Variants in FBXL17 observed in about 807,000 individuals in gnomAD.
The protein encoded by FBXL17 is F-box and leucine rich repeat protein 17, also known as F-box/LRR-repeat protein 17.
FBXL17 carries 22 observed loss-of-function variants against 66.2 expected under a neutral mutation model. The ratio of observed to expected loss-of-function variants is 0.33; its 90% confidence interval spans 0.24 to 0.47. The LOEUF is 0.47. Ranked by LOEUF, FBXL17 falls within the 20% of genes least tolerant of loss-of-function variation. The probability of loss-of-function intolerance (pLI) is 1.00; values close to 1 mark genes in which losing one functional copy is unlikely to be tolerated. For missense variants in FBXL17, 878 were observed against 948.2 expected (o/e 0.93, Z 0.97); for synonymous variants, 474 against 400.5 (o/e 1.18, Z -2.19).
At chr5:108,124,647 G>A (rs985311070) in intron 6 of FBXL17, among the ~76,000 whole-genome samples, 1 of 151,988 alleles carries the variant, frequency 6.6e-6, no homozygotes, top group African/African-American at 2.4e-5. Context: ...GCAAATACCT[G>A]TACATTGAAA....
intron 6 of FBXL17, among the ~76,000 whole-genome samples, chr5:108,089,121 T>G (rs1749091528): frequency 6.6e-6 from 1 of 152,218 alleles, no homozygotes; most frequent in Non-Finnish European, 1.5e-5. Flanking sequence ...AAAGGTATTC[T>G]GAATTTATGT....
intron 6 of FBXL17, among the ~76,000 whole-genome samples, chr5:108,121,929 C>T (rs1254396890): frequency 6.6e-6 from 1 of 152,064 alleles, no homozygotes; most frequent in Admixed American, 6.5e-5. Context: ...TACTTTGTTA[C>T]TCTGTATTTT....
intron 4 of FBXL17, among the ~76,000 whole-genome samples, chr5:108,313,582 A>C (rs1056970463): frequency 3.9e-5 from 6 of 152,034 alleles, no homozygotes; most frequent in African/African-American, 1.2e-4. Context: ...GGATAGTGGC[A>C]AAAGAAGAAT....
Position 108,380,749 on chromosome 5 carries a change from G to A in FBXL17, c.943C>T (p.Pro315Ser), listed in dbSNP as rs756512270. ...ENPCDCHREP[P>S]PETPDINQLP... Reference sequence around the variant, plus strand: ...TGGTTGATGTCTGGGGTTTCGGGGGGCGGCTCCCTGTGACAGTCGCAGGGG... The same window carrying A: ...TGGTTGATGTCTGGGGTTTCGGGGGACGGCTCCCTGTGACAGTCGCAGGGG... Residue 315 changes from proline to serine, a missense_variant, in exon 1 of 9, where the codon CCC becomes TCC. Transcript: ENST00000542267. 1.4e-5 allele frequency: 17 copies of A among 1,250,036 alleles called. No homozygotes were observed. Among genetic ancestry groups the A allele is most frequent in the East Asian group, 1.3e-4 (4 of 31,744 alleles). The allele number at this position is 1,250,036 out of a possible 1,614,324, so 77.4% of individuals were successfully genotyped here.
intron 6 of FBXL17, among the ~76,000 whole-genome samples, chr5:108,128,477 A>G (rs910674278): frequency 6.6e-6 from 1 of 152,290 alleles, no homozygotes; most frequent in East Asian, 1.9e-4. Context: ...TTACAAAAGA[A>G]GGTTATAAAA....
In FBXL17 at chr5:108,202,825, C is replaced by G. The variant is rs537454567; in HGVS notation, c.1615-16578G>C. Among the ~76,000 whole-genome samples, 6 of 152,272 alleles carry G rather than the reference C, an allele frequency of 3.9e-5. No individual in the cohort carries two copies. In the East Asian group the frequency reaches 9.7e-4, roughly 25 times the overall value. On this transcript the variant is annotated intron_variant, in intron 5 of 8. Transcript: ENST00000542267. The stretch of plus-strand genomic sequence containing the variant: ...GTAACTGACACCTGGGAAAATGAAA[C>G]AGCAGATGGTGGGATCTACTGGATC...
At chr5:107,876,561 C>T (rs779035300) in intron 8 of FBXL17, among the ~76,000 whole-genome samples, 3 of 152,190 alleles carry the variant, frequency 2.0e-5, no homozygotes, top group Non-Finnish European at 4.4e-5. Flanking sequence ...ACCGAGGCCT[C>T]GCAAACAGCC....
intron 7 of FBXL17, among the ~76,000 whole-genome samples, chr5:108,020,602 T>C (rs1230537918): frequency 6.6e-6 from 1 of 151,908 alleles, no homozygotes; most frequent in Non-Finnish European, 1.5e-5. Context: ...ATATTTATTA[T>C]GCTCAACATT....
At chr5:108,373,752 C>CA (rs902627087) in intron 1 of FBXL17, among the ~76,000 whole-genome samples, 11 of 151,188 alleles carry the variant, frequency 7.3e-5, no homozygotes, top group African/African-American at 1.7e-4. Context: ...CCTGTCTCCA[C>CA]AAAAAAAATG....
intron 7 of FBXL17, among the ~76,000 whole-genome samples, chr5:107,963,439 G>T (rs1751996074): frequency 6.6e-6 from 1 of 152,036 alleles, no homozygotes; most frequent in African/African-American, 2.4e-5. Flanking sequence ...CATGAGGGAA[G>T]GGATCTAATT....
At chr5:107,883,848 C>A (rs941863067) in intron 7 of FBXL17, among the ~76,000 whole-genome samples, 15 of 152,110 alleles carry the variant, frequency 9.9e-5, no homozygotes, top group African/African-American at 3.6e-4. Context: ...CATCAGAAGC[C>A]CTCACAGAAC....
intron 4 of FBXL17, among the ~76,000 whole-genome samples, chr5:108,262,912 C>T (rs1756897713): frequency 6.6e-6 from 1 of 152,158 alleles, no homozygotes; most frequent in African/African-American, 2.4e-5. Flanking sequence ...TTAAATTATA[C>T]AGTGAAGGGA....
chr5:108,238,424 G>A (rs540088442), intron 4 of FBXL17, among the ~76,000 whole-genome samples: 11 of 152,198 alleles, frequency 7.2e-5, no homozygotes, highest in Non-Finnish European at 1.6e-4. Flanking sequence ...TTAGTAAGAA[G>A]GGCACATGTT....
chr5:108,319,657 T>C (rs1759527909), intron 4 of FBXL17, among the ~76,000 whole-genome samples: 1 of 151,676 alleles, frequency 6.6e-6, no homozygotes, highest in African/African-American at 2.4e-5. Context: ...TGAACAAAAA[T>C]CTAAAAGTTA....
chr5:107,995,842 T>C (rs1222740621), intron 7 of FBXL17, among the ~76,000 whole-genome samples: 1 of 152,134 alleles, frequency 6.6e-6, no homozygotes, highest in Non-Finnish European at 1.5e-5. Flanking sequence ...AGGTGAAAGT[T>C]GAGGACAGTA....
intron 4 of FBXL17, among the ~76,000 whole-genome samples, chr5:108,314,354 AT>A (rs1759256865): frequency 6.6e-6 from 1 of 151,776 alleles, no homozygotes; most frequent in East Asian, 1.9e-4. Flanking sequence ...TTTAAATTAT[AT>A]TTACAAAGAC....
chr5:108,094,065 G>C (rs1473122172), intron 6 of FBXL17, among the ~76,000 whole-genome samples: 1 of 152,094 alleles, frequency 6.6e-6, no homozygotes, highest in Non-Finnish European at 1.5e-5. Flanking sequence ...CCTCCACATA[G>C]TGTGCTCTCT....
intron 1 of FBXL17, among the ~76,000 whole-genome samples, chr5:108,373,336 T>G (rs922439602): frequency 2.3e-5 from 3 of 130,534 alleles, no homozygotes; most frequent in Non-Finnish European, 3.1e-5. Flanking sequence ...TTAATATATA[T>G]CTAAATATAA....
intron 6 of FBXL17, among the ~76,000 whole-genome samples, chr5:108,024,287 C>CA (rs1175700656): frequency 1.3e-5 from 2 of 152,088 alleles, no homozygotes; most frequent in Non-Finnish European, 2.9e-5. Flanking sequence ...TGAGGAATAT[C>CA]AAATACTTTT....
Sources: allele counts gnomAD v4.1 joint callset (sites outside exome capture counted in the v4.1 genomes callset), GRCh38; gene constraint gnomAD v4.1.1; transcripts MANE v1.5; gene names NCBI Gene and HGNC (gene_info 2026-07-23, HGNC 2026-07-21).